The following OPLAH variants were observed in gnomAD, a reference collection of about 807,000 sequenced individuals.
The protein encoded by OPLAH is 5-oxoprolinase, ATP-hydrolysing.
Under a neutral mutation model 122.8 loss-of-function variants are expected in OPLAH, and 103 were observed. The observed-to-expected ratio is 0.84, with a 90% CI of 0.71 to 0.99. The LOEUF is 0.99. OPLAH is among the 50% of genes least tolerant of loss of function. The probability of loss-of-function intolerance (pLI) is 0.00; values close to 1 mark genes in which losing one functional copy is unlikely to be tolerated. For missense variants in OPLAH, 1,902 were observed against 1,836.5 expected (o/e 1.04, Z -0.65); for synonymous variants, 875 against 796.0 (o/e 1.10, Z -1.67).
rs782477219 is a variant in OPLAH at position 144,052,142 on chromosome 8, C to T, written c.3461+27G>A. ...GAGCCCCGGCTCCCACCCGGCCGTG[C>T]CCCCAGCCTCCGCGCACGCCGCTCA... On this transcript the variant is annotated intron_variant, in intron 24 of 26. Coordinates refer to ENST00000618853, the MANE Select transcript of OPLAH (RefSeq NM_017570.5). 10 of 1,552,174 alleles carry T rather than the reference C, an allele frequency of 6.4e-6. No homozygotes were observed. The East Asian group carries it at 1.6e-4, about 25-fold the overall frequency.
chr8:144,050,656 C>T (rs1195543317), downstream of OPLAH: 4 of 982,666 alleles, frequency 4.1e-6, no homozygotes, highest in Non-Finnish European at 4.8e-6. Flanking sequence ...AGGGTACCCC[C>T]GCCGGCTGGG....
intron 3 of OPLAH, 56 bp from the exon 4 acceptor site, chr8:144,059,135 C>G: frequency 1.1e-5 from 15 of 1,405,040 alleles, no homozygotes; most frequent in Non-Finnish European, 1.5e-5. Flanking sequence ...AGGCCGGGGT[C>G]CTGTGTGAGT....
chr8:144,060,234 T>C (rs1424461745), intron 1 of OPLAH, 149 bp from the exon 2 acceptor site: 5 of 638,712 alleles, frequency 7.8e-6, no homozygotes, highest in Admixed American at 3.0e-5. Flanking sequence ...GAGGGCAGCC[T>C]GGGCCCGAGC....
upstream of OPLAH, among the ~76,000 whole-genome samples, chr8:144,060,856 G>T (rs782407538): frequency 6.6e-6 from 1 of 152,224 alleles, no homozygotes; most frequent in Non-Finnish European, 1.5e-5. Flanking sequence ...ACGGGCGCAG[G>T]ATCAAGGGCA....
rs541547809 is a variant in OPLAH, at chr8:144,055,716, C to T, written c.2248+72G>A. 10 of 1,412,048 alleles carry T rather than the reference C, an allele frequency of 7.1e-6. No individual in the cohort carries two copies. In the East Asian group the frequency reaches 1.3e-4, roughly 19 times the overall value. 87.5% of individuals were successfully genotyped at this position (1,412,048 alleles called of 1,614,324 possible). A position where few individuals can be genotyped will look rare whatever the true frequency, so the allele number is the denominator to read the frequency against. ...TCCTGCTTCTGCCTCTCCCTTTGGG[C>T]ACAGCCCTGCCAGCTACCCCATGAC... On this transcript the variant is annotated intron_variant, in intron 16 of 26. Transcript: ENST00000618853. This position sits in a 1 kb window ranked among gnomAD's most constrained non-coding sequence, Gnocchi z 6.5.
rs369407480 is a variant in OPLAH, at chr8:144,053,418, G to A, written c.2687-25C>T. 3.8e-6 allele frequency: 6 copies of A among 1,584,462 alleles called. No homozygotes were observed. The African/African-American group carries it at 8.1e-5, about 21-fold the overall frequency. Reference sequence around the variant, plus strand: ...GCTGGATGGACAGTGTCATCACTGAGCCCCTGGCCAACCCTGTCTGCACCC... The same window carrying A: ...GCTGGATGGACAGTGTCATCACTGAACCCCTGGCCAACCCTGTCTGCACCC... On this transcript the variant is annotated intron_variant, in intron 19 of 26. Coordinates refer to ENST00000618853, the MANE Select transcript of OPLAH (RefSeq NM_017570.5).
In OPLAH at chr8:144,053,197, G is replaced by A. The variant is rs1835431808; in HGVS notation, c.2871+12C>T. ...ATGGCCCTGCCGCCCACACTCCTGT[G>A]CCCAGGCCCACCTGAATATGGCCCA... On this transcript the variant is annotated intron_variant, in intron 20 of 26. Transcript: ENST00000618853. 1 of 1,611,692 alleles carries A rather than the reference G, an allele frequency of 6.2e-7. No individual in the cohort carries two copies. Among genetic ancestry groups the A allele is most frequent in the Non-Finnish European group, 8.5e-7 (1 of 1,179,424 alleles).
chr8:144,051,269 G>GCGC lies in OPLAH; in HGVS notation c.*54_*56dup. Reference sequence around the variant, plus strand: ...AGACACGACTCGGAGCACGAACTAGGCGCCGTAGCTGCGTCCCCAGAACCG... The same window carrying GCGC: ...AGACACGACTCGGAGCACGAACTAGGCGCCGCCGTAGCTGCGTCCCCAGAACCG... On this transcript the variant is annotated 3_prime_UTR_variant, in exon 27 of 27. Coordinates refer to ENST00000618853, the MANE Select transcript of OPLAH (RefSeq NM_017570.5). 6.2e-7 allele frequency: 1 copy of GCGC among 1,602,284 alleles called. No individual in the cohort carries two copies. The highest frequency in any genetic ancestry group is 8.5e-7 in the Non-Finnish European group (1 of 1,175,818).
At position 144,055,107 on chromosome 8, in the gene OPLAH, C is replaced by T. The variant is rs370774167; in HGVS notation, c.2331G>A (p.Gly777=). 32 of 1,585,298 alleles carry T rather than the reference C, an allele frequency of 2.0e-5. No homozygotes were observed. The Middle Eastern group carries it at 1.5e-3, about 76-fold the overall frequency. Residue 777 remains glycine, a synonymous_variant, in exon 17 of 27, where the codon GGG becomes GGA. Transcript: ENST00000618853. This position sits in a 1 kb window ranked among gnomAD's most constrained non-coding sequence, Gnocchi z 6.5. ...CATTGGACACCAGCCCCCCATCGGGCCCAAAGAGGGCACAGGAGAAGTCCA... is the reference window on the plus strand; with the variant it reads ...CATTGGACACCAGCCCCCCATCGGGTCCAAAGAGGGCACAGGAGAAGTCCA... ...ERLDFSCALF[G]PDGGLVSNAP...
In OPLAH at chr8:144,051,428, G is replaced by T. The variant is rs1393665067; in HGVS notation, c.3765C>A (p.Asp1255Glu). The T allele has an allele frequency of 7.7e-6, 12 of 1,567,466 alleles. No individual in the cohort carries two copies. Among genetic ancestry groups the T allele is most frequent in the Non-Finnish European group, 1.0e-5 (12 of 1,159,828 alleles). Residue 1255 changes from aspartate (D) to glutamate (E), a missense_variant, in exon 27 of 27, where the codon GAC becomes GAA. This residue lies in a region of OPLAH where 1,726 missense variants were observed against 1,642.1 expected (regional missense o/e 1.05). Transcript: ENST00000618853. Reference protein sequence around the residue: ...LHTPGGGGYGDPEDPAPPPGS... With the variant: ...LHTPGGGGYGEPEDPAPPPGS... The stretch of plus-strand genomic sequence containing the variant: ...CCGGCGGTGGGGCGGGGTCCTCCGG[G>T]TCCCCATAGCCACCGCCGCCGGGCG...
chr8:144,055,671 C>T lies in OPLAH; in HGVS notation c.2248+117G>A, dbSNP rs782528912. On this transcript the variant is annotated intron_variant, in intron 16 of 26. Transcript: ENST00000618853. This position sits in a 1 kb window ranked among gnomAD's most constrained non-coding sequence, Gnocchi z 6.5. ...CCACACCAGTGCTGCGGCCACACTG[C>T]CCGCCCCGTCGCCAGGGGGTCCTGC... 1.1e-4 allele frequency: 142 copies of T among 1,270,534 alleles called. No homozygotes were observed. The highest frequency in any genetic ancestry group is 1.3e-4 in the Non-Finnish European group (127 of 962,672). 78.7% of individuals were successfully genotyped at this position (1,270,534 alleles called of 1,614,324 possible). A position where few individuals can be genotyped will look rare whatever the true frequency, so the allele number is the denominator to read the frequency against.
chr8:144,054,432 T>G (rs1384713922), intron 19 of OPLAH, 129 bp downstream of exon 19: 3 of 1,023,052 alleles, frequency 2.9e-6, no homozygotes, highest in Non-Finnish European at 4.2e-6. Context: ...GGTAACCACC[T>G]ATCTCCTCCC....
chr8:144,057,441 G>T lies in OPLAH; in HGVS notation c.1422+7C>A. The T allele has an allele frequency of 6.3e-7, 1 of 1,582,400 alleles. No individual in the cohort carries two copies. The highest frequency in any genetic ancestry group is 1.8e-5 in the Admixed American group (1 of 54,804). On this transcript the variant is annotated splice_region_variant and intron_variant, in intron 10 of 26. Transcript: ENST00000618853. The stretch of plus-strand genomic sequence containing the variant: ...CAGGACAGGCGGGAGAGCAGAGGTG[G>T]ACGTACCTGCGTGAGTGCACGGATG...
intron 7 of OPLAH, 36 bp from the exon 8 acceptor site, chr8:144,058,184 A>T (rs781879344): frequency 5.6e-6 from 9 of 1,606,584 alleles, no homozygotes; most frequent in African/African-American, 1.3e-5. Flanking sequence ...TCACTTGAAG[A>T]CCCAGGGGCC....
In OPLAH at chr8:144,058,541, C is replaced by T. The variant is rs2129830501; in HGVS notation, c.738G>A (p.Gln246=). The T allele has an allele frequency of 1.9e-6, 3 of 1,598,640 alleles. No homozygotes were observed. Among genetic ancestry groups the T allele is most frequent in the South Asian group, 2.2e-5 (2 of 90,628 alleles). The part of the protein sequence containing the change: ...CADAYLTPAI[Q]RYVQGFCRGF... ...CACGGCAGAAGCCCTGCACGTAGCG[C>T]TGGATGGCGGGCGTGAGGTAGGCGT... is the stretch of plus-strand genomic sequence containing the variant. The change falls in exon 6 of 27, where the codon CAG becomes CAA. Residue 246 remains glutamine (Q), a synonymous_variant. Coordinates refer to ENST00000618853, the MANE Select transcript of OPLAH (RefSeq NM_017570.5).
rs782800087 is a variant in OPLAH, at chr8:144,056,598, G to A, written c.1844+20C>T. The A allele has an allele frequency of 2.6e-5, 42 of 1,612,118 alleles. No homozygotes were observed. The highest frequency in any genetic ancestry group is 6.7e-5 in the East Asian group (3 of 44,872). On this transcript the variant is annotated intron_variant, in intron 13 of 26. Transcript: ENST00000618853. ...CAGGAGGGCCCCTTGCCAGGGATCC[G>A]GAGTCAGGAAGCCACGTACCGCTCC...
Position 144,055,762 on chromosome 8 carries a change from C to T in OPLAH, c.2248+26G>A. 6.7e-7 allele frequency: 1 copy of T among 1,484,570 alleles called. No homozygotes were observed. The highest frequency in any genetic ancestry group is 9.0e-7 in the Non-Finnish European group (1 of 1,109,848). 92.0% of individuals were successfully genotyped at this position (1,484,570 alleles called of 1,614,324 possible). On this transcript the variant is annotated intron_variant, in intron 16 of 26. Transcript: ENST00000618853. The surrounding 1 kb of genome is among the most constrained non-coding windows in gnomAD (Gnocchi z 6.5). Reference sequence around the variant, plus strand: ...ATGACACAGCCGGCGCCTCATCCCACAGGGAGCCTGGCAGCGGCCACTCAC... The same window carrying T: ...ATGACACAGCCGGCGCCTCATCCCATAGGGAGCCTGGCAGCGGCCACTCAC...
At chr8:144,061,209 A>C (rs1554760823), upstream of OPLAH, among the ~76,000 whole-genome samples, 1 of 152,208 alleles carries the variant, frequency 6.6e-6, no homozygotes, top group African/African-American at 2.4e-5. Context: ...GAGCTGGCTA[A>C]AAAGAGGCCG....
rs782335210 is a variant in OPLAH, at chr8:144,054,641, G to A, written c.2606C>T (p.Pro869Leu). 8.1e-6 allele frequency: 13 copies of A among 1,611,752 alleles called. No homozygotes were observed. In the East Asian group the frequency reaches 2.0e-4, roughly 25 times the overall value. The change falls in exon 19 of 27, where the codon CCC becomes CTC. Residue 869 changes from proline to leucine, a missense_variant. Around this residue, in one of 3 missense-constraint regions of OPLAH, gnomAD observed 1,726 missense variants for 1,642.1 expected, o/e 1.05. Transcript: ENST00000618853. ...CTCCTGTTGCAGCATGGTGGAGTGG[G>A]GGGGCATGGAGCCTGGTGTGATGCC... is the stretch of plus-strand genomic sequence containing the variant. ...IGGITPGSMP[P>L]HSTMLQQEGA... is the part of the protein sequence containing the mutation.
Sources: allele counts gnomAD v4.1 joint callset (sites outside exome capture counted in the v4.1 genomes callset), GRCh38; gene constraint gnomAD v4.1.1; regional missense constraint gnomAD v4.1.1; non-coding constraint Gnocchi (gnomAD v3.1); transcripts MANE v1.5; gene names NCBI Gene and HGNC (gene_info 2026-07-23, HGNC 2026-07-21).